ATP2B2: variants seen among roughly 807,000 people sequenced by gnomAD.
ATP2B2 encodes the protein plasma membrane calcium-transporting ATPase 2.
ATP2B2 carries 15 observed loss-of-function variants against 120.0 expected under a neutral mutation model. The ratio of observed to expected loss-of-function variants is 0.12; its 90% CI spans 0.08 to 0.19. The LOEUF is 0.19. ATP2B2 is among the 10% of genes least tolerant of loss of function. The pLI is 1.00. For synonymous variants in ATP2B2, 694 were observed against 700.3 expected, an observed-to-expected ratio of 0.99 and a Z score of 0.14; for missense variants, 1,045 against 1,719.8, an observed-to-expected ratio of 0.61 and a Z score of 6.94.
At chr3:10,461,769 A>T (rs968064991) in intron 1 of ATP2B2, among the ~76,000 whole-genome samples, 1 of 152,078 alleles carries the variant, frequency 6.6e-6, no homozygotes, top group Non-Finnish European at 1.5e-5. Context: ...TTTGGGTTCT[A>T]AAGTCCTGCC....
Position 10,618,765 on chromosome 3 carries a change from A to G in ATP2B2, c.-415+1152T>C, listed in dbSNP as rs1268724947. 2.0e-5 allele frequency among the ~76,000 whole-genome samples: 3 copies of G among 152,214 alleles called. No individual in the cohort carries two copies. In the East Asian group the frequency reaches 5.8e-4, roughly 29 times the overall value. On this transcript the variant is annotated intron_variant, in intron 2 of 21. Transcript: ENST00000646379. ...CCTCCCCAGAGAGCACTTGGGAAGA[A>G]ACCATGAAAGAAACATGTGCTTATT...
At chr3:10,549,821 A>G (rs932168174) in intron 2 of ATP2B2, among the ~76,000 whole-genome samples, 1 of 152,160 alleles carries the variant, frequency 6.6e-6, no homozygotes, top group African/African-American at 2.4e-5. Flanking sequence ...TAGAAAAGTG[A>G]AGAGTACAGC....
At chr3:10,336,770 G>A (rs1455001534) in intron 22 of ATP2B2, among the ~76,000 whole-genome samples, 2 of 152,224 alleles carry the variant, frequency 1.3e-5, no homozygotes, top group East Asian at 3.9e-4. Context: ...TTCTTAAGAA[G>A]GGTCAATGCC....
In ATP2B2 at chr3:10,477,986, A is replaced by G. The variant is rs189907726; in HGVS notation, c.-320+27479T>C. 2.8e-4 allele frequency among the ~76,000 whole-genome samples: 42 copies of G among 152,270 alleles called. No homozygotes were observed. In the East Asian group the frequency reaches 6.4e-3, roughly 23 times the overall value. Reference sequence around the variant, plus strand: ...TATGCTTTTCCACAGCAGCCGCACCATTTTACAGTCCTACTAGAATGCAAG... The same window carrying G: ...TATGCTTTTCCACAGCAGCCGCACCGTTTTACAGTCCTACTAGAATGCAAG... On this transcript the variant is annotated intron_variant, in intron 1 of 22. Transcript: ENST00000360273.
intron 2 of ATP2B2, among the ~76,000 whole-genome samples, chr3:10,438,505 C>T (rs1391902966): frequency 6.6e-6 from 1 of 152,226 alleles, no homozygotes; most frequent in African/African-American, 2.4e-5. Context: ...TCTTCTTTGC[C>T]TGCTGCCTGC....
At chr3:10,653,411 T>C (rs2070520476) in intron 1 of ATP2B2, among the ~76,000 whole-genome samples, 2 of 152,240 alleles carry the variant, frequency 1.3e-5, no homozygotes, top group South Asian at 2.1e-4. Context: ...CCACACCTGA[T>C]GGAGACAGGG....
chr3:10,472,496 G>A (rs1024418312), intron 1 of ATP2B2, among the ~76,000 whole-genome samples: 26 of 152,230 alleles, frequency 1.7e-4, no homozygotes, highest in Non-Finnish European at 2.6e-4. Context: ...TGAGGCTTGC[G>A]GGGCTGTCCG....
intron 2 of ATP2B2, among the ~76,000 whole-genome samples, chr3:10,535,260 T>C (rs1338946536): frequency 6.6e-6 from 1 of 152,132 alleles, no homozygotes; most frequent in African/African-American, 2.4e-5. Flanking sequence ...TGCAAAGAAA[T>C]GTACAGAGAG....
rs1575053360 is a variant in ATP2B2, at chr3:10,375,050, T to A, written c.1416+380A>T. Among the ~76,000 whole-genome samples, 1 of 152,322 alleles carries A rather than the reference T, an allele frequency of 6.6e-6. No individual in the cohort carries two copies. Among genetic ancestry groups the A allele is most frequent in the South Asian group, 2.1e-4 (1 of 4,828 alleles). The stretch of plus-strand genomic sequence containing the variant: ...CTGGCTTGCACGGTGATGTCTTTAT[T>A]ATTTTTTTAAAATTTTTGAGTTGAT... On this transcript the variant is annotated intron_variant, in intron 11 of 22. Coordinates refer to ENST00000360273, the MANE Select transcript of ATP2B2 (RefSeq NM_001001331.4). The surrounding 1 kb of genome is among the most constrained non-coding windows in gnomAD (Gnocchi z 4.2).
chr3:10,423,546 G>C (rs2063056314), intron 2 of ATP2B2, among the ~76,000 whole-genome samples: 1 of 152,208 alleles, frequency 6.6e-6, no homozygotes, highest in Admixed American at 6.5e-5. Context: ...ATCTGGTTCA[G>C]CATGCCCAGA....
chr3:10,371,125 T>C (rs991392731), intron 12 of ATP2B2, among the ~76,000 whole-genome samples: 1 of 152,230 alleles, frequency 6.6e-6, no homozygotes, highest in African/African-American at 2.4e-5. Context: ...TACCACTGTG[T>C]GAATCTGGGC....
intron 2 of ATP2B2, among the ~76,000 whole-genome samples, chr3:10,615,282 C>T (rs1016315842): frequency 1.3e-5 from 2 of 152,150 alleles, no homozygotes; most frequent in Admixed American, 6.5e-5. Context: ...GGTGTAGGAG[C>T]GGGAGCAACC....
At chr3:10,439,256 C>T (rs943315970) in intron 2 of ATP2B2, among the ~76,000 whole-genome samples, 1 of 152,226 alleles carries the variant, frequency 6.6e-6, no homozygotes, top group Non-Finnish European at 1.5e-5. Flanking sequence ...TGAGCCTGGA[C>T]AAGCCTCAGA....
At position 10,390,519 on chromosome 3, in the gene ATP2B2, T is replaced by TGA. The variant is rs1235783355; in HGVS notation, c.782-2118_782-2117insTC. On this transcript the variant is annotated intron_variant, in intron 5 of 22. Transcript: ENST00000360273. ...GCTTTTGTGTGTGTGTGTGTGTGTGTGTGTGCGCTTGCAACAATCTAGCCT... is the reference window on the plus strand; with the variant it reads ...GCTTTTGTGTGTGTGTGTGTGTGTGTGAGTGTGCGCTTGCAACAATCTAGCCT... 4.9e-5 allele frequency among the ~76,000 whole-genome samples: 7 copies of TGA among 141,766 alleles called. 1 individual carries two copies. The highest frequency in any genetic ancestry group is 1.8e-4 in the African/African-American group (7 of 39,548). The allele number at this position is 141,766 out of a possible 152,430, so 93.0% of individuals were successfully genotyped here. A position where few individuals can be genotyped will look rare whatever the true frequency, so the allele number is the denominator to read the frequency against.
intron 2 of ATP2B2, among the ~76,000 whole-genome samples, chr3:10,598,707 C>T (rs184024956): frequency 2.9e-3 from 445 of 152,280 alleles, no homozygotes; most frequent in African/African-American, 0.01. Flanking sequence ...AACAAGGAAG[C>T]GAGCAAACAC....
intron 2 of ATP2B2, among the ~76,000 whole-genome samples, chr3:10,445,820 G>A (rs1327877498): frequency 2.0e-5 from 3 of 152,224 alleles, no homozygotes; most frequent in Non-Finnish European, 4.4e-5. Context: ...GTCAAACTGA[G>A]TCCCTGTGTC....
At chr3:10,699,635 G>A (rs903944699) in intron 1 of ATP2B2, among the ~76,000 whole-genome samples, 7 of 152,116 alleles carry the variant, frequency 4.6e-5, no homozygotes, top group African/African-American at 1.2e-4. Flanking sequence ...GATAGTTTAA[G>A]TGTGTTCCCC....
At chr3:10,483,472 G>A (rs1476084226) in intron 1 of ATP2B2, among the ~76,000 whole-genome samples, 1 of 152,210 alleles carries the variant, frequency 6.6e-6, no homozygotes, top group Admixed American at 6.5e-5. Context: ...AGCACTGAGA[G>A]CAGAAGGCAA....
intron 3 of ATP2B2, among the ~76,000 whole-genome samples, chr3:10,408,417 A>T (rs2062492145): frequency 6.6e-6 from 1 of 152,138 alleles, no homozygotes; most frequent in Admixed American, 6.5e-5. Flanking sequence ...GGAGCCCTGG[A>T]AACATGGAAG....
Sources: allele counts gnomAD v4.1 joint callset (sites outside exome capture counted in the v4.1 genomes callset), GRCh38; gene constraint gnomAD v4.1.1; non-coding constraint Gnocchi (gnomAD v3.1); transcripts MANE v1.5; gene names NCBI Gene and HGNC (gene_info 2026-07-23, HGNC 2026-07-21).